FBXL13: variants seen among roughly 807,000 people sequenced by gnomAD.
FBXL13 encodes F-box and leucine rich repeat protein 13, also known as F-box and leucine-rich repeat protein 13.
FBXL13 carries 67 observed loss-of-function variants against 83.6 expected under a neutral mutation model. That is an observed-to-expected ratio of 0.80 (90% CI 0.66 to 0.98). FBXL13 has a LOEUF of 0.98. Among genes scored for constraint, FBXL13 ranks in the 50% least tolerant of loss-of-function variants. The pLI, the probability that FBXL13 is intolerant of heterozygous loss-of-function variation, is 0.00. For missense variants in FBXL13, 822 were observed against 866.5 expected (o/e 0.95, Z 0.64); for synonymous variants, 272 against 299.5 (o/e 0.91, Z 0.95).
intron 10 of FBXL13, among the ~76,000 whole-genome samples, chr7:102,922,102 C>T (rs929452952): frequency 4.6e-5 from 7 of 151,576 alleles, no homozygotes; most frequent in African/African-American, 1.7e-4. Context: ...AGGCAGGAGA[C>T]TTGCTTGAGC....
rs761243726 is a variant in FBXL13 at position 102,878,421 on chromosome 7, A to G, written c.1418T>C (p.Leu473Pro). The G allele has an allele frequency of 1.9e-6, 3 of 1,608,150 alleles. No homozygotes were observed. The highest frequency in any genetic ancestry group is 1.7e-4 in the Middle Eastern group (1 of 6,042). ...TATCCTCATGCTTGCAGGACCATCA[A>G]GAAATTGCTTTAGTCCCATATCACC... Residue 473 changes from leucine (L) to proline (P), a missense_variant, in exon 15 of 20, where the codon CTT becomes CCT. Coordinates refer to ENST00000313221, the Ensembl canonical transcript of FBXL13.
chr7:102,937,524 A>AAT lies in FBXL13; in HGVS notation c.725-5592_725-5591insAT, dbSNP rs10694821. ...TCTGTCTCAAAAAAAAAAAAAAAAA[A>AAT]TGAAGGGTAGCTTTGTCTTTTAATA... On this transcript the variant is annotated intron_variant, in intron 8 of 19. Coordinates refer to ENST00000313221, the Ensembl canonical transcript of FBXL13. 3.0e-4 allele frequency among the ~76,000 whole-genome samples: 45 copies of AAT among 150,806 alleles called. 1 individual carries two copies. Among genetic ancestry groups the AAT allele is most frequent in the African/African-American group, 1.1e-3 (44 of 41,106 alleles).
In FBXL13 at chr7:102,969,825, AGAGGG is replaced by A. The variant is rs1349717452; in HGVS notation, c.496-1713_496-1709del. Among the ~76,000 whole-genome samples, 217 of 90,144 alleles carry A rather than the reference AGAGGG, an allele frequency of 2.4e-3. 4 individuals carry two copies. Among genetic ancestry groups the A allele is most frequent in the Non-Finnish European group, 3.2e-3 (156 of 48,656 alleles). The allele number at this position is 90,144 out of a possible 152,430, so 59.1% of individuals were successfully genotyped here. A position where few individuals can be genotyped will look rare whatever the true frequency, so the allele number is the denominator to read the frequency against. ...AAGGGGAAGGGAAAGGAAAGGGAGG[AGAGGG>A]GAGGGGAGGGGAGGGGAGGGGAGGG... On this transcript the variant is annotated intron_variant, in intron 6 of 19. Transcript: ENST00000313221.
chr7:102,913,023 T>A, intron 11 of FBXL13, 63 bp downstream of exon 12: 2 of 1,609,796 alleles, frequency 1.2e-6, no homozygotes, highest in Non-Finnish European at 1.7e-6. Flanking sequence ...GAGGGCTGAA[T>A]GCAGCCCATT....
intron 2 of FBXL13, among the ~76,000 whole-genome samples, chr7:103,041,820 T>A (rs1795740333): frequency 6.6e-6 from 1 of 152,126 alleles, no homozygotes; most frequent in Admixed American, 6.5e-5. Context: ...ATGGAACATA[T>A]CTCAAAATAA....
chr7:102,811,331 T>C (rs926705794), downstream of FBXL13, among the ~76,000 whole-genome samples: 6 of 152,310 alleles, frequency 3.9e-5, no homozygotes, highest in African/African-American at 1.4e-4. Flanking sequence ...ATGAAATACG[T>C]AAGGGCTAAA....
intron 7 of FBXL13, among the ~76,000 whole-genome samples, chr7:102,964,404 A>ATATATATATATATATATTTTTTTTTTTT (rs796873670): frequency 1.4e-5 from 2 of 143,268 alleles, no homozygotes; most frequent in African/African-American, 5.3e-5. Context: ...ATATATATAT[A>ATATATATATATATATATTTTTTTTTTTT]TTTTTTTTTT....
intron 17 of FBXL13, among the ~76,000 whole-genome samples, chr7:102,853,490 CA>C (rs1294288757): frequency 6.6e-6 from 1 of 152,120 alleles, no homozygotes; most frequent in African/African-American, 2.4e-5. Flanking sequence ...ACACCAAAAG[CA>C]ATGGCAACAA....
intron 17 of FBXL13, among the ~76,000 whole-genome samples, chr7:102,843,319 T>C (rs1803307613): frequency 6.6e-6 from 1 of 152,034 alleles, no homozygotes; most frequent in African/African-American, 2.4e-5. Context: ...GGCGCATGCC[T>C]GTAATCCCAG....
intron 6 of FBXL13, among the ~76,000 whole-genome samples, chr7:102,969,626 TG>T (rs1422522169): frequency 1.3e-5 from 2 of 151,850 alleles, no homozygotes; most frequent in Non-Finnish European, 2.9e-5. Flanking sequence ...CTGGCCAACA[TG>T]GTGAAACCCT....
intron 4 of FBXL13, 90 bp from the exon 6 acceptor site, chr7:103,027,648 T>C: frequency 1.3e-6 from 1 of 761,746 alleles, no homozygotes; most frequent in South Asian, 2.5e-5. Context: ...ATCATGTTTA[T>C]GAGACAATGT....
At chr7:102,961,634 A>T (rs1366639754) in intron 8 of FBXL13, among the ~76,000 whole-genome samples, 3 of 151,936 alleles carry the variant, frequency 2.0e-5, no homozygotes, top group Non-Finnish European at 4.4e-5. Flanking sequence ...GTACCAAAAC[A>T]GAGATATAGA....
chr7:103,012,883 T>G (rs1031753409), intron 6 of FBXL13, among the ~76,000 whole-genome samples: 1 of 152,226 alleles, frequency 6.6e-6, no homozygotes, highest in African/African-American at 2.4e-5. Context: ...AATGGTATAC[T>G]GTCTTAAAGA....
intron 16 of FBXL13, among the ~76,000 whole-genome samples, chr7:102,867,695 A>ATATATATT (rs1239781180): frequency 1.2e-4 from 6 of 49,064 alleles, no homozygotes; most frequent in African/African-American, 4.9e-4. Flanking sequence ...ATATATATAT[A>ATATATATT]TTTTTTTTTT....
chr7:102,827,286 CAAGAGATGACTGCA>C (rs1009716373), intron 18 of FBXL13: 9 of 317,512 alleles, frequency 2.8e-5, no homozygotes, highest in African/African-American at 1.0e-4. Flanking sequence ...TAAGGGGAGT[CAAGAGATGACTGCA>C]AAGAGATGAC....
chr7:102,883,328 C>CA lies in FBXL13; in HGVS notation c.1364dup (p.Leu456ValfsTer11). 1 of 1,612,290 alleles carries CA rather than the reference C, an allele frequency of 6.2e-7. No homozygotes were observed. The stretch of plus-strand genomic sequence containing the variant: ...ACCTTACACAATTTGCCAAATTCAA[C>CA]ACAGTCAGTTGCTTCAAAGGTGAAA... On this transcript the variant is annotated frameshift_variant, in exon 14 of 20. Transcript: ENST00000313221. LOFTEE classifies it high-confidence loss of function.
chr7:103,029,279 A>G, intron 3 of FBXL13, 72 bp downstream of exon 4: 1 of 952,406 alleles, frequency 1.0e-6, no homozygotes, highest in Non-Finnish European at 1.6e-6. Flanking sequence ...CCAAAAGTGA[A>G]TTTTTCTTTG....
At chr7:103,061,755 G>A (rs573712608) in intron 1 of FBXL13, among the ~76,000 whole-genome samples, 2 of 151,994 alleles carry the variant, frequency 1.3e-5, no homozygotes, top group African/African-American at 4.8e-5. Flanking sequence ...TGGCTAACAC[G>A]GTGAAACCCC....
chr7:102,912,986 G>A (rs545200408), intron 11 of FBXL13, 100 bp downstream of exon 12: 10 of 1,469,028 alleles, frequency 6.8e-6, no homozygotes, highest in East Asian at 4.7e-5. Context: ...AGTGTGCTGC[G>A]GTCCGTGCAC....
Sources: gnomAD v4.1 joint callset for allele counts (sites outside exome capture counted in the v4.1 genomes callset) on GRCh38, gnomAD v4.1.1 for gene constraint, MANE v1.5 for transcripts, NCBI Gene and HGNC (gene_info 2026-07-23, HGNC 2026-07-21) for gene names.